ZNF568: variants seen among roughly 807,000 people sequenced by gnomAD.
ZNF568 encodes p53 inhibitor of SCO2 activation.
In ZNF568, 11 loss-of-function variants were observed where a neutral mutation model predicts 18.1. That is an observed-to-expected ratio of 0.61 (90% CI 0.38 to 1.00). The LOEUF (loss-of-function observed/expected upper bound fraction) is 1.00. ZNF568 is among the 50% of genes least tolerant of loss of function. The probability of loss-of-function intolerance (pLI) is 0.01; values close to 1 mark genes in which losing one functional copy is unlikely to be tolerated. For missense variants in ZNF568, 639 were observed against 768.2 expected (o/e 0.83, Z 1.99); for synonymous variants, 213 against 246.6 (o/e 0.86, Z 1.28).
intron 2 of ZNF568, among the ~76,000 whole-genome samples, chr19:36,989,334 C>A (rs1462154149): frequency 6.6e-6 from 1 of 152,082 alleles, no homozygotes; most frequent in East Asian, 1.9e-4. Flanking sequence ...AGGCACGTGC[C>A]ACCATGCCCG....
chr19:36,928,227 T>C (rs2073618680), intron 4 of ZNF568, among the ~76,000 whole-genome samples: 1 of 151,832 alleles, frequency 6.6e-6, no homozygotes, highest in Non-Finnish European at 1.5e-5. Context: ...CCGAAAGATA[T>C]TTTCTGTCAC....
chr19:36,966,872 G>A (rs2074198969), intron 6 of ZNF568, among the ~76,000 whole-genome samples: 1 of 152,208 alleles, frequency 6.6e-6, no homozygotes, highest in Non-Finnish European at 1.5e-5. Flanking sequence ...ACCTTGCTGA[G>A]GCCCTTCTCA....
At chr19:36,961,884 T>TG (rs1241649939) in intron 6 of ZNF568, among the ~76,000 whole-genome samples, 2 of 95,336 alleles carry the variant, frequency 2.1e-5, no homozygotes, top group Admixed American at 1.1e-4. Flanking sequence ...TAGGGTGTTT[T>TG]TTTTTTTTTT....
chr19:36,974,019 C>G (rs1016061941), intron 6 of ZNF568, among the ~76,000 whole-genome samples: 9 of 152,088 alleles, frequency 5.9e-5, no homozygotes, highest in African/African-American at 2.2e-4. Context: ...CTGCTATATC[C>G]ACTTCTCTGT....
chr19:36,956,572 G>C (rs1040216874), downstream of ZNF568, among the ~76,000 whole-genome samples: 24 of 151,600 alleles, frequency 1.6e-4, no homozygotes, highest in African/African-American at 5.8e-4. Context: ...TTTTGCAACA[G>C]TAGTCCTCAA....
At chr19:36,984,908 A>C (rs1391312595) in intron 2 of ZNF568, among the ~76,000 whole-genome samples, 2 of 151,732 alleles carry the variant, frequency 1.3e-5, no homozygotes, top group African/African-American at 4.8e-5. Context: ...TTGTCTAGGC[A>C]TGGATTTATT....
intron 6 of ZNF568, among the ~76,000 whole-genome samples, chr19:36,948,657 G>GTTTTTTTTTTTTTTT (rs1568391851): frequency 2.3e-5 from 1 of 42,570 alleles, no homozygotes; most frequent in African/African-American, 1.4e-4. Flanking sequence ...TTTTGTTGTT[G>GTTTTTTTTTTTTTTT]ATTTTTTTTT....
chr19:36,994,914 T>C (rs1282727800), intron 4 of ZNF568, among the ~76,000 whole-genome samples: 1 of 152,124 alleles, frequency 6.6e-6, no homozygotes, highest in African/African-American at 2.4e-5. Context: ...CCTCCCAAAG[T>C]TCTGGGATTA....
At position 36,951,115 on chromosome 19, in the gene ZNF568, C is replaced by T. The variant is rs752404583; in HGVS notation, c.*27C>T. On this transcript the variant is annotated 3_prime_UTR_variant, in exon 7 of 7. Coordinates refer to ENST00000333987, the MANE Select transcript of ZNF568 (RefSeq NM_198539.4). ...TGAAAGAAGGCCTCTTAAATTCAACCCATGTTTTACTTAAAATATCTTGGC... is the reference window on the plus strand; with the variant it reads ...TGAAAGAAGGCCTCTTAAATTCAACTCATGTTTTACTTAAAATATCTTGGC... 1.2e-5 allele frequency: 17 copies of T among 1,478,020 alleles called. No individual in the cohort carries two copies. The highest frequency in any genetic ancestry group is 1.4e-5 in the Non-Finnish European group (16 of 1,118,028). 91.6% of individuals were successfully genotyped at this position (1,478,020 alleles called of 1,614,324 possible).
chr19:36,927,877 TA>T (rs1265440438), intron 4 of ZNF568, among the ~76,000 whole-genome samples: 10 of 59,092 alleles, frequency 1.7e-4, no homozygotes, highest in African/African-American at 1.0e-3. Flanking sequence ...TATATATATA[TA>T]TATATATATT....
chr19:36,991,154 G>C (rs369735863), intron 2 of ZNF568: 1 of 1,519,520 alleles, frequency 6.6e-7, no homozygotes, highest in Non-Finnish European at 8.8e-7. Flanking sequence ...TTCACAAATG[G>C]TGTATTTATT....
rs536711864 is a variant in ZNF568, at chr19:36,926,055, C to T, written c.135+797C>T. Among the ~76,000 whole-genome samples, 9 of 152,270 alleles carry T rather than the reference C, an allele frequency of 5.9e-5. No homozygotes were observed. The East Asian group carries it at 1.7e-3, about 29-fold the overall frequency. On this transcript the variant is annotated intron_variant, in intron 4 of 6. Coordinates refer to ENST00000333987, the MANE Select transcript of ZNF568 (RefSeq NM_198539.4). ...CTGGAAGAGTAAGTGGAACACATATCTTTCAAATGATCCTACGTATATATT... is the reference window on the plus strand; with the variant it reads ...CTGGAAGAGTAAGTGGAACACATATTTTTCAAATGATCCTACGTATATATT...
chr19:36,991,062 G>A (rs1210924208), intron 2 of ZNF568: 1 of 1,146,462 alleles, frequency 8.7e-7, no homozygotes, highest in African/African-American at 1.6e-5. Flanking sequence ...AGCCAGTATG[G>A]CCTGTTTTCC....
chr19:36,926,405 G>T (rs2073554452), intron 4 of ZNF568, among the ~76,000 whole-genome samples: 1 of 151,962 alleles, frequency 6.6e-6, no homozygotes, highest in Admixed American at 6.6e-5. Flanking sequence ...ACTTCTGTTG[G>T]CGCGGTGGCC....
chr19:36,945,044 T>A (rs2073939791), intron 6 of ZNF568, among the ~76,000 whole-genome samples: 1 of 152,162 alleles, frequency 6.6e-6, no homozygotes, highest in Non-Finnish European at 1.5e-5. Context: ...TTTTTATTTT[T>A]TCATATGTAA....
intron 6 of ZNF568, among the ~76,000 whole-genome samples, chr19:36,940,041 T>G (rs1302320123): frequency 6.6e-6 from 1 of 152,204 alleles, no homozygotes. Context: ...GTTTATTTCT[T>G]CTTCCCTTGT....
chr19:36,982,713 AAAAAG>A (rs980544198), downstream of ZNF568, among the ~76,000 whole-genome samples: 6 of 152,202 alleles, frequency 3.9e-5, no homozygotes, highest in East Asian at 1.9e-4. Flanking sequence ...TCTCAAAAAG[AAAAAG>A]AAAAGAAAAG....
At chr19:36,972,378 C>T (rs1167457200) in intron 6 of ZNF568, among the ~76,000 whole-genome samples, 4 of 152,022 alleles carry the variant, frequency 2.6e-5, no homozygotes, top group African/African-American at 7.3e-5. Flanking sequence ...ATTGGTTTTC[C>T]GTTATTTCCG....
intron 4 of ZNF568, among the ~76,000 whole-genome samples, chr19:36,925,937 T>C (rs1341727234): frequency 6.6e-6 from 1 of 152,146 alleles, no homozygotes; most frequent in African/African-American, 2.4e-5. Flanking sequence ...TTCTACATGG[T>C]TTCCTAGGGA....
Sources: gnomAD v4.1 joint callset for allele counts (sites outside exome capture counted in the v4.1 genomes callset) on GRCh38, gnomAD v4.1.1 for gene constraint, MANE v1.5 for transcripts, NCBI Gene and HGNC (gene_info 2026-07-23, HGNC 2026-07-21) for gene names.